SNX29: variants seen among roughly 807,000 people sequenced by gnomAD.
The protein encoded by SNX29 is sorting nexin 29.
Under a neutral mutation model 102.1 loss-of-function variants are expected in SNX29, and 78 were observed. The observed-to-expected ratio is 0.76, with a 90% CI of 0.64 to 0.92. SNX29 has a LOEUF of 0.92. Ranked by LOEUF, SNX29 falls within the 40% of genes least tolerant of loss-of-function variation. The pLI is 0.00. For missense variants in SNX29, 1,280 were observed against 1,061.7 expected, an observed-to-expected ratio of 1.21 and a Z score of -2.86; for synonymous variants, 580 against 414.5, an observed-to-expected ratio of 1.40 and a Z score of -4.85.
intron 20 of SNX29, among the ~76,000 whole-genome samples, chr16:12,536,409 C>T (rs571261353): frequency 1.9e-4 from 29 of 151,884 alleles, no homozygotes; most frequent in Non-Finnish European, 4.0e-4. Context: ...AGCAGAATGG[C>T]CTCATCAGTA....
In SNX29 at chr16:12,096,735, G is replaced by A. The variant is rs1038104753; in HGVS notation, c.1402+17820G>A. ...ATCCACCCATGGGAACGAGTTCCCC[G>A]TGAAGTGGGAAATTCCTAATGGAAG... On this transcript the variant is annotated intron_variant, in intron 11 of 20. Coordinates refer to ENST00000566228, the MANE Select transcript of SNX29 (RefSeq NM_032167.5). This position sits in a 1 kb window ranked among gnomAD's most constrained non-coding sequence, Gnocchi z 4.2. Among the ~76,000 whole-genome samples, 1 of 152,242 alleles carries A rather than the reference G, an allele frequency of 6.6e-6. No homozygotes were observed. The highest frequency in any genetic ancestry group is 1.5e-5 in the Non-Finnish European group (1 of 68,050).
chr16:12,385,151 C>G (rs1411000007), intron 16 of SNX29, among the ~76,000 whole-genome samples: 6 of 152,166 alleles, frequency 3.9e-5, no homozygotes, highest in Non-Finnish European at 8.8e-5. Flanking sequence ...AGCCTGGCAA[C>G]AAGAGCGAAA....
chr16:12,185,417 T>A (rs982473503), intron 13 of SNX29, among the ~76,000 whole-genome samples: 5 of 152,268 alleles, frequency 3.3e-5, no homozygotes, highest in African/African-American at 1.2e-4. Flanking sequence ...TGAATTTTAA[T>A]TATTTGCACA....
At chr16:12,542,345 CAAAAGA>C (rs1256320842) in intron 20 of SNX29, among the ~76,000 whole-genome samples, 5 of 152,178 alleles carry the variant, frequency 3.3e-5, no homozygotes, top group Non-Finnish European at 7.4e-5. Context: ...GAGATTGTCT[CAAAAGA>C]AAAAGTTAGA....
chr16:12,122,614 AACCAAGGGGG>A (rs1375089817), intron 11 of SNX29, among the ~76,000 whole-genome samples: 1 of 152,096 alleles, frequency 6.6e-6, no homozygotes, highest in Non-Finnish European at 1.5e-5. Context: ...GTTGGAGTCT[AACCAAGGGGG>A]AGCAAAGGAG....
intron 14 of SNX29, among the ~76,000 whole-genome samples, chr16:12,263,456 G>A (rs768772090): frequency 6.6e-6 from 1 of 152,088 alleles, no homozygotes; most frequent in Admixed American, 6.6e-5. Context: ...GTATGGACCC[G>A]ATGAGAGAGA....
intron 13 of SNX29, among the ~76,000 whole-genome samples, chr16:12,196,237 GTAGCAT>G (rs1221753844): frequency 6.6e-6 from 1 of 152,006 alleles, no homozygotes; most frequent in African/African-American, 2.4e-5. Context: ...CCCCAGGTGG[GTAGCAT>G]GAGCCACCAC....
Position 12,563,457 on chromosome 16 carries a change from C to A in SNX29, c.2319-5049C>A, listed in dbSNP as rs905644793. On this transcript the variant is annotated intron_variant, in intron 20 of 20. Coordinates refer to ENST00000566228, the MANE Select transcript of SNX29 (RefSeq NM_032167.5). ...GTCCTTTGCAGGTAAATTTAGGAAACCTAATAGGGTAAAAGGCTCAAGGAA... is the reference window on the plus strand; with the variant it reads ...GTCCTTTGCAGGTAAATTTAGGAAAACTAATAGGGTAAAAGGCTCAAGGAA... Among the ~76,000 whole-genome samples the A allele has an allele frequency of 2.6e-5, 4 of 152,134 alleles. No individual in the cohort carries two copies. The South Asian group carries it at 8.3e-4, about 32-fold the overall frequency.
intron 15 of SNX29, among the ~76,000 whole-genome samples, chr16:12,284,169 T>C (rs970743707): frequency 1.1e-4 from 17 of 152,272 alleles, no homozygotes; most frequent in African/African-American, 4.1e-4. Flanking sequence ...ACTTTGGGCC[T>C]GCATCACTTT....
chr16:12,570,376 A>G lies in SNX29; in HGVS notation c.*1747A>G, dbSNP rs944213992. On this transcript the variant is annotated 3_prime_UTR_variant, in exon 21 of 21. Transcript: ENST00000566228. ...AACATTGCTGCAATACACATGGTTT[A>G]TCTGAAATTCCAAGGCCAGAGTGCA... The G allele has an allele frequency of 6.8e-6, 3 of 443,024 alleles. No individual in the cohort carries two copies. Among genetic ancestry groups the G allele is most frequent in the East Asian group, 1.1e-4 (2 of 17,398 alleles). The allele number at this position is 443,024 out of a possible 1,614,324, so 27.4% of individuals were successfully genotyped here. A position where few individuals can be genotyped will look rare whatever the true frequency, so the allele number is the denominator to read the frequency against.
chr16:12,004,729 G>T (rs938165670), intron 3 of SNX29, among the ~76,000 whole-genome samples: 4 of 152,150 alleles, frequency 2.6e-5, no homozygotes, highest in Non-Finnish European at 4.4e-5. Flanking sequence ...CCATGAGAAA[G>T]CATGTAGACC....
At chr16:12,019,062 C>T (rs750139403) in intron 3 of SNX29, among the ~76,000 whole-genome samples, 171 of 152,060 alleles carry the variant, frequency 1.1e-3, no homozygotes, top group Non-Finnish European at 1.7e-3. Flanking sequence ...CTCACCATAA[C>T]CTTTAAACCA....
chr16:12,250,395 A>G (rs1450343130), intron 14 of SNX29, among the ~76,000 whole-genome samples: 1 of 152,220 alleles, frequency 6.6e-6, no homozygotes, highest in African/African-American at 2.4e-5. Context: ...GGAGCCGGGC[A>G]GAGGGCCATT....
At chr16:12,256,891 C>A (rs367645089) in intron 14 of SNX29, among the ~76,000 whole-genome samples, 1 of 152,216 alleles carries the variant, frequency 6.6e-6, no homozygotes, top group African/African-American at 2.4e-5. Context: ...AGCAGAACAT[C>A]TGCTTTTCCC....
chr16:12,556,502 T>G (rs1379854263), intron 20 of SNX29: 7 of 152,264 alleles, frequency 4.6e-5, no homozygotes, highest in Non-Finnish European at 1.0e-4. Context: ...TGGCAGGCAG[T>G]CCCCGTGTTG....
rs1397476547 is a variant in SNX29 at position 12,571,111 on chromosome 16, C to CA, written c.*2483dup. 2.2e-5 allele frequency: 5 copies of CA among 232,524 alleles called. No individual in the cohort carries two copies. The highest frequency in any genetic ancestry group is 1.1e-4 in the African/African-American group (5 of 45,296). The allele number at this position is 232,524 out of a possible 1,614,324, so 14.4% of individuals were successfully genotyped here. On this transcript the variant is annotated 3_prime_UTR_variant, in exon 21 of 21. Coordinates refer to ENST00000566228, the MANE Select transcript of SNX29 (RefSeq NM_032167.5). ...CCCCGAAGCCTTCCCTTTGGAATCC[C>CA]ATAGAATGTTCTGCAATGATTGGGT...
chr16:12,466,718 T>C (rs756453870), intron 18 of SNX29, among the ~76,000 whole-genome samples: 5 of 152,092 alleles, frequency 3.3e-5, no homozygotes, highest in African/African-American at 9.7e-5. Flanking sequence ...TCCTCCTTAG[T>C]TTTCTGGCAG....
chr16:12,261,622 A>G (rs1472317251), intron 14 of SNX29, among the ~76,000 whole-genome samples: 16 of 88,286 alleles, frequency 1.8e-4, no homozygotes, highest in South Asian at 4.6e-4. Flanking sequence ...GGGTCTGTGC[A>G]TGCGTCCCCG....
chr16:12,146,838 A>G (rs917517089), intron 13 of SNX29, among the ~76,000 whole-genome samples: 4 of 152,238 alleles, frequency 2.6e-5, no homozygotes, highest in African/African-American at 4.8e-5. Flanking sequence ...CTTCTCAAAC[A>G]TGACCAACAG....
Sources: gnomAD v4.1 joint callset for allele counts (sites outside exome capture counted in the v4.1 genomes callset) on GRCh38, gnomAD v4.1.1 for gene constraint, Gnocchi (gnomAD v3.1) non-coding constraint, MANE v1.5 for transcripts, NCBI Gene and HGNC (gene_info 2026-07-23, HGNC 2026-07-21) for gene names.